MYH6: variants seen among roughly 807,000 people sequenced by gnomAD.
MYH6 encodes the protein myosin-6.
A neutral mutation model predicts 223.2 loss-of-function variants in MYH6; 126 were observed. The ratio of observed to expected loss-of-function variants is 0.56; its 90% CI spans 0.49 to 0.65. The LOEUF is 0.65. Among genes scored for constraint, MYH6 ranks in the 30% least tolerant of loss-of-function variants. The pLI is 0.00. For missense variants in MYH6, 2,040 were observed against 2,536.4 expected (o/e 0.80, Z 4.20); for synonymous variants, 978 against 1,010.2 (o/e 0.97, Z 0.61).
chr14:23,391,467 A>G (rs1891234365), intron 25 of MYH6, among the ~76,000 whole-genome samples: 1 of 152,256 alleles, frequency 6.6e-6, no homozygotes, highest in Non-Finnish European at 1.5e-5. Flanking sequence ...TATTCTAGCT[A>G]AAACCCAGAA....
chr14:23,391,184 GC>G (rs1479452440), intron 25 of MYH6, among the ~76,000 whole-genome samples: 2 of 152,206 alleles, frequency 1.3e-5, no homozygotes, highest in Non-Finnish European at 2.9e-5. Context: ...CTAGCCAGGA[GC>G]AAAACGGGGG....
At chr14:23,384,114 C>T (rs575178428) in intron 36 of MYH6, among the ~76,000 whole-genome samples, 1 of 151,728 alleles carries the variant, frequency 6.6e-6, no homozygotes, top group African/African-American at 2.4e-5. Context: ...CCTCCCCTGA[C>T]TCTTATCCCC....
In MYH6 at chr14:23,382,045, C is replaced by G; in HGVS notation, c.5815G>C (p.Glu1939Gln). ...GTGAGGTTCCCGAGGCAGTGTCACT[C>G]CTCATCGTGCATTTTTTGCTGCAAA... ...IGAKQKMHDE[E>Q] Residue 1939 changes from glutamate (E) to glutamine (Q), a missense_variant, in exon 39 of 39, where the codon GAG (glutamate) becomes CAG (glutamine). Glu to Gln is a conservative substitution (Grantham distance 29). Transcript: ENST00000405093. The G allele has an allele frequency of 1.2e-6, 2 of 1,614,172 alleles. No homozygotes were observed. The highest frequency in any genetic ancestry group is 1.7e-6 in the Non-Finnish European group (2 of 1,180,026).
chr14:23,401,400 A>G (rs990791261), intron 12 of MYH6, among the ~76,000 whole-genome samples: 5 of 152,262 alleles, frequency 3.3e-5, no homozygotes, highest in Non-Finnish European at 5.9e-5. Context: ...TTAAAGAGGA[A>G]GAAATCAAGG....
intron 15 of MYH6, 85 bp from the exon 16 acceptor site, chr14:23,397,698 G>A (rs892106594): frequency 1.5e-5 from 21 of 1,374,980 alleles, no homozygotes; most frequent in Non-Finnish European, 2.2e-5. Flanking sequence ...TGCTCGCTTG[G>A]TAGCTCTGAG....
Position 23,387,930 on chromosome 14 carries a change from G to C in MYH6, c.4360-7C>G, listed in dbSNP as rs58949384. 6.1e-5 allele frequency: 99 copies of C among 1,613,042 alleles called. No homozygotes were observed. The African/African-American group carries it at 1.2e-3, about 20-fold the overall frequency. ...GCTTCCACTCGGCCAGGATCTGCCC[G>C]GGGACAAGGCTCACTCTTCAGCCCC... is the stretch of plus-strand genomic sequence containing the variant. On this transcript the variant is annotated splice_region_variant and splice_polypyrimidine_tract_variant and intron_variant, in intron 30 of 38. Coordinates refer to ENST00000405093, the MANE Select transcript of MYH6 (RefSeq NM_002471.4).
chr14:23,407,647 C>A lies in MYH6; in HGVS notation c.-46-39G>T. 1 of 1,110,592 alleles carries A rather than the reference C, an allele frequency of 9.0e-7. No homozygotes were observed. The highest frequency in any genetic ancestry group is 2.4e-5 in the South Asian group (1 of 40,950). The allele number at this position is 1,110,592 out of a possible 1,614,324, so 68.8% of individuals were successfully genotyped here. Reference sequence around the variant, plus strand: ...GGAGCAAGGAACAACAGAGGTAGAGCCGGGCAGAGAGAAGAACAGATGAGG... The same window carrying A: ...GGAGCAAGGAACAACAGAGGTAGAGACGGGCAGAGAGAAGAACAGATGAGG... On this transcript the variant is annotated intron_variant, in intron 1 of 38. Transcript: ENST00000405093. This position sits in a 1 kb window ranked among gnomAD's most constrained non-coding sequence, Gnocchi z 5.6.
At chr14:23,406,970 A>G (rs1891807172) in intron 3 of MYH6, 53 bp downstream of exon 3, 1 of 1,591,396 alleles carries the variant, frequency 6.3e-7, no homozygotes, top group African/African-American at 1.3e-5. Flanking sequence ...CCACCTCTGC[A>G]TCTTCTTTCC....
intron 9 of MYH6, 57 bp downstream of exon 9, chr14:23,403,658 C>G: frequency 1.3e-6 from 2 of 1,504,394 alleles, no homozygotes; most frequent in African/African-American, 2.8e-5. Context: ...GGCCGCCAGG[C>G]AGGGAGAGAA....
Position 23,400,818 on chromosome 14 carries a change from T to G in MYH6, c.1301A>C (p.Glu434Ala), listed in dbSNP as rs758220970. The G allele has an allele frequency of 6.2e-7, 1 of 1,614,190 alleles. No individual in the cohort carries two copies. The highest frequency in any genetic ancestry group is 1.7e-5 in the Admixed American group (1 of 60,024). The change falls in exon 13 of 39, where the codon GAG becomes GCG. Residue 434 changes from glutamate (E) to alanine (A), a missense_variant. Transcript: ENST00000405093. The part of the protein sequence containing the change: ...SIGALAKAVY[E>A]KMFNWMVTRI... ...CGTCACCATCCAGTTGAACATCTTC[T>G]CATACACTGCCTTGGCCAGAGCCCC...
At chr14:23,388,809 C>G in intron 29 of MYH6, 50 bp downstream of exon 29, 1 of 1,613,928 alleles carries the variant, frequency 6.2e-7, no homozygotes. Context: ...CCCAGGTCCT[C>G]TCGCCCCTTC....
Position 23,405,910 on chromosome 14 carries a change from C to T in MYH6, c.202-140G>A. On this transcript the variant is annotated intron_variant, in intron 3 of 38. Coordinates refer to ENST00000405093, the MANE Select transcript of MYH6 (RefSeq NM_002471.4). The surrounding 1 kb of genome is among the most constrained non-coding windows in gnomAD (Gnocchi z 4.7). ...TCTGACCAGTGCCCCGGCCCCTACC[C>T]CGATGTCCCCTGGGACACTTTCCCC... is the stretch of plus-strand genomic sequence containing the variant. 2 of 1,004,130 alleles carry T rather than the reference C, an allele frequency of 2.0e-6. No individual in the cohort carries two copies. The highest frequency in any genetic ancestry group is 1.5e-6 in the Non-Finnish European group (1 of 647,896). 62.2% of individuals were successfully genotyped at this position (1,004,130 alleles called of 1,614,324 possible). A position where few individuals can be genotyped will look rare whatever the true frequency, so the allele number is the denominator to read the frequency against.
chr14:23,397,660 G>C, intron 15 of MYH6, 47 bp from the exon 16 acceptor site: 1 of 1,597,462 alleles, frequency 6.3e-7, no homozygotes, highest in South Asian at 1.1e-5. Flanking sequence ...GAAAATAAAG[G>C]AGCCCTTGGG....
intron 25 of MYH6, among the ~76,000 whole-genome samples, chr14:23,391,204 A>G (rs1891227866): frequency 6.6e-6 from 1 of 152,208 alleles, no homozygotes; most frequent in Non-Finnish European, 1.5e-5. Flanking sequence ...GGTTCAGTGG[A>G]AATCCCTTCA....
intron 21 of MYH6, 69 bp downstream of exon 21, chr14:23,393,999 T>C (rs1891319043): frequency 6.2e-7 from 1 of 1,613,728 alleles, no homozygotes; most frequent in East Asian, 2.2e-5. Flanking sequence ...TCCCAGTCCC[T>C]GGTTGTGAGA....
intron 29 of MYH6, 65 bp downstream of exon 29, chr14:23,388,794 C>T: frequency 6.2e-7 from 1 of 1,612,476 alleles, no homozygotes; most frequent in South Asian, 1.1e-5. Context: ...TTTGCCTGTC[C>T]CCACCCCAGG....
At chr14:23,388,000 C>T (rs1421394117) in intron 30 of MYH6, 77 bp from the exon 31 acceptor site, 3 of 1,606,362 alleles carry the variant, frequency 1.9e-6, no homozygotes, top group Admixed American at 1.7e-5. Flanking sequence ...TGCCCCAGCC[C>T]CCAGCCTCAG....
intron 21 of MYH6, 55 bp downstream of exon 21, chr14:23,394,013 G>T: frequency 6.2e-7 from 1 of 1,613,684 alleles, no homozygotes; most frequent in Non-Finnish European, 8.5e-7. Flanking sequence ...TGTGAGATGG[G>T]CTATAATCTA....
chr14:23,389,279 G>T, intron 28 of MYH6, 114 bp downstream of exon 28: 1 of 1,287,560 alleles, frequency 7.8e-7, no homozygotes, highest in Non-Finnish European at 1.1e-6. Context: ...ACCTAGACTG[G>T]AGGGTCTTTC....
Sources: allele counts gnomAD v4.1 joint callset (sites outside exome capture counted in the v4.1 genomes callset), GRCh38; gene constraint gnomAD v4.1.1; non-coding constraint Gnocchi (gnomAD v3.1); transcripts MANE v1.5; gene names NCBI Gene and HGNC (gene_info 2026-07-23, HGNC 2026-07-21).